The following TSHZ3 variants were observed in gnomAD, a reference collection of about 807,000 sequenced individuals.
The protein encoded by TSHZ3 is teashirt zinc finger homeobox 3.
TSHZ3 carries 10 observed loss-of-function variants against 64.5 expected under a neutral mutation model. That is an observed-to-expected ratio of 0.16 (90% CI 0.10 to 0.26). TSHZ3 has a LOEUF of 0.26. TSHZ3 is among the 10% of genes least tolerant of loss of function. TSHZ3 has a pLI of 1.00. For synonymous variants in TSHZ3, 608 were observed against 593.1 expected (o/e 1.03, Z -0.36); for missense variants, 1,242 against 1,421.7 (o/e 0.87, Z 2.03).
At position 31,278,715 on chromosome 19, in the gene TSHZ3, T is replaced by C; in HGVS notation, c.1078A>G (p.Ile360Val). ...TGGCCGTACCGATTATTTGGCGTGA[T>C]GTAAGGGTTGGAGTTCTTCTGAAGT... ...DALQKNSNPYITPNNRYGHQN... is the reference protein window; with the variant it reads ...DALQKNSNPYVTPNNRYGHQN... The change falls in exon 2 of 2, where the codon ATC becomes GTC. Residue 360 changes from isoleucine (I) to valine (V), a missense_variant. By Grantham distance (29) the Ile-to-Val change is conservative. Transcript: ENST00000240587. This position sits in a 1 kb window ranked among gnomAD's most constrained non-coding sequence, Gnocchi z 4.7. 2.5e-6 allele frequency: 4 copies of C among 1,614,112 alleles called. No homozygotes were observed. Among genetic ancestry groups the C allele is most frequent in the Non-Finnish European group, 3.4e-6 (4 of 1,180,020 alleles).
At chr19:31,214,837 G>A (rs1017779049) in intron 4 of TSHZ3, among the ~76,000 whole-genome samples, 3 of 151,348 alleles carry the variant, frequency 2.0e-5, no homozygotes, top group African/African-American at 4.9e-5. Context: ...GAACCCGGGA[G>A]GCGGAGCTTG....
chr19:31,266,984 G>A (rs542291704), intron 1 of TSHZ3, among the ~76,000 whole-genome samples: 1 of 152,164 alleles, frequency 6.6e-6, no homozygotes, highest in Non-Finnish European at 1.5e-5. Flanking sequence ...GCTCCTGGCC[G>A]GCCCACTTCA....
At position 31,193,807 on chromosome 19, in the gene TSHZ3, A is replaced by AT. The variant is rs576641435; in HGVS notation, n.809+11148dup. On this transcript the variant is annotated intron_variant and non_coding_transcript_variant, in intron 5 of 6. Transcript: ENST00000651361. ...CTGTTATCATAATGTATTTTTGTTAATTTTTTTGGCTGGAAAATTGGCAAT... is the reference window on the plus strand; with the variant it reads ...CTGTTATCATAATGTATTTTTGTTAATTTTTTTTGGCTGGAAAATTGGCAAT... 1.6e-3 allele frequency among the ~76,000 whole-genome samples: 250 copies of AT among 152,246 alleles called. 1 individual carries two copies. The highest frequency in any genetic ancestry group is 5.9e-3 in the African/African-American group (244 of 41,568).
intron 1 of TSHZ3, among the ~76,000 whole-genome samples, chr19:31,287,742 G>T (rs1976488473): frequency 1.3e-5 from 2 of 152,100 alleles, no homozygotes; most frequent in South Asian, 4.1e-4. Context: ...TTATTTTCTG[G>T]AAAGGACTCT....
chr19:31,206,847 T>C (rs1197271928), intron 4 of TSHZ3, among the ~76,000 whole-genome samples: 2 of 152,220 alleles, frequency 1.3e-5, no homozygotes, highest in Admixed American at 6.5e-5. Flanking sequence ...CACGTTTATA[T>C]TTTATTGAAT....
chr19:31,311,492 T>C lies in TSHZ3; in HGVS notation c.41-31740A>G, dbSNP rs1225794791. Among the ~76,000 whole-genome samples the C allele has an allele frequency of 2.0e-5, 3 of 152,000 alleles. No homozygotes were observed. In the East Asian group the frequency reaches 5.8e-4, roughly 30 times the overall value. On this transcript the variant is annotated intron_variant, in intron 1 of 1. Coordinates refer to ENST00000240587, the MANE Select transcript of TSHZ3 (RefSeq NM_020856.4). ...CTCCGACTGCACAGGGTTTGTTCCT[T>C]ATGGGAAGGAGACGTCTTGGTCCTA...
chr19:31,306,522 C>T (rs143355345), intron 1 of TSHZ3, among the ~76,000 whole-genome samples: 3 of 152,132 alleles, frequency 2.0e-5, no homozygotes, highest in African/African-American at 4.8e-5. Flanking sequence ...CACACGTGCA[C>T]GTGCGTGGGT....
rs916791886 is a variant in TSHZ3, at chr19:31,225,364, C to T, written n.686+2641G>A. The stretch of plus-strand genomic sequence containing the variant: ...ATATTTCCCCCAGCCTTGGCAGAGA[C>T]GCTGCAATCCATAGCTGGCTCACAT... On this transcript the variant is annotated intron_variant and non_coding_transcript_variant, in intron 4 of 6. Coordinates refer to the TSHZ3 transcript ENST00000651361. Among the ~76,000 whole-genome samples the T allele has an allele frequency of 8.5e-5, 13 of 152,280 alleles. 1 individual carries two copies. The South Asian group carries it at 1.2e-3, about 15-fold the overall frequency.
intron 4 of TSHZ3, among the ~76,000 whole-genome samples, chr19:31,225,514 C>G (rs1241491758): frequency 6.6e-6 from 1 of 152,156 alleles, no homozygotes; most frequent in Non-Finnish European, 1.5e-5. Context: ...TGGCATACAG[C>G]CTTGTCCTGC....
At chr19:31,178,539 C>A (rs985421558) in intron 5 of TSHZ3, among the ~76,000 whole-genome samples, 1 of 152,104 alleles carries the variant, frequency 6.6e-6, no homozygotes, top group East Asian at 1.9e-4. Flanking sequence ...AGTAGCCGGG[C>A]GTGGTGGCAC....
chr19:31,338,581 C>CTTTTT (rs34643581), intron 1 of TSHZ3, among the ~76,000 whole-genome samples: 1 of 119,104 alleles, frequency 8.4e-6, no homozygotes, highest in Non-Finnish European at 1.7e-5. Flanking sequence ...TTTTTTTTTT[C>CTTTTT]TTTTTTTTTT....
chr19:31,218,096 A>C (rs1975355674), intron 4 of TSHZ3, among the ~76,000 whole-genome samples: 2 of 152,242 alleles, frequency 1.3e-5, no homozygotes, highest in South Asian at 4.1e-4. Flanking sequence ...GACACTGCCA[A>C]GAGAATGAAA....
At chr19:31,253,264 G>T (rs1382380964) in intron 1 of TSHZ3, among the ~76,000 whole-genome samples, 1 of 152,136 alleles carries the variant, frequency 6.6e-6, no homozygotes, top group Non-Finnish European at 1.5e-5. Flanking sequence ...AAAATAAGCA[G>T]TTCAAGTACA....
chr19:31,335,976 G>A lies in TSHZ3; in HGVS notation c.40+13204C>T, dbSNP rs540141909. ...GGAGTCCCTAGTGCACTGATCTGGCGTTCCCTGAAAACGGTGTCCCAGCTC... is the reference window on the plus strand; with the variant it reads ...GGAGTCCCTAGTGCACTGATCTGGCATTCCCTGAAAACGGTGTCCCAGCTC... On this transcript the variant is annotated intron_variant, in intron 1 of 1. Transcript: ENST00000240587. Among the ~76,000 whole-genome samples, 43 of 152,308 alleles carry A rather than the reference G, an allele frequency of 2.8e-4. 1 individual carries two copies. Among genetic ancestry groups the A allele is most frequent in the Admixed American group, 1.1e-3 (17 of 15,302 alleles).
intron 5 of TSHZ3, among the ~76,000 whole-genome samples, chr19:31,169,952 C>G (rs769517142): frequency 2.6e-5 from 4 of 152,166 alleles, no homozygotes; most frequent in Non-Finnish European, 2.9e-5. Context: ...GTTCTGGCAT[C>G]TTGGCCACAG....
At chr19:31,169,947 G>C (rs147233775) in intron 5 of TSHZ3, among the ~76,000 whole-genome samples, 5 of 152,264 alleles carry the variant, frequency 3.3e-5, no homozygotes, top group Non-Finnish European at 7.3e-5. Flanking sequence ...TATGGGTTCT[G>C]GCATCTTGGC....
intron 4 of TSHZ3, among the ~76,000 whole-genome samples, chr19:31,209,066 G>C (rs184206794): frequency 9.2e-5 from 14 of 152,220 alleles, no homozygotes; most frequent in African/African-American, 2.6e-4. Flanking sequence ...TTTGCCAGAC[G>C]CCAGGTCCAA....
intron 6 of TSHZ3, among the ~76,000 whole-genome samples, chr19:31,154,704 T>G (rs1294809065): frequency 6.6e-6 from 1 of 152,206 alleles, no homozygotes; most frequent in African/African-American, 2.4e-5. Context: ...GCAAATGGCT[T>G]GAACTTCCCG....
Position 31,241,227 on chromosome 19 carries a change from T to C in TSHZ3, n.550+1042A>G, listed in dbSNP as rs967666731. On this transcript the variant is annotated intron_variant and non_coding_transcript_variant, in intron 3 of 6. Coordinates refer to the TSHZ3 transcript ENST00000651361. ...GCTTGGTTTTATGTTTTTTAAATAA[T>C]AAATGGAAAGTCCAAGGTATTTCCC... is the stretch of plus-strand genomic sequence containing the variant. Among the ~76,000 whole-genome samples, 5 of 152,190 alleles carry C rather than the reference T, an allele frequency of 3.3e-5. No homozygotes were observed. In the East Asian group the frequency reaches 5.8e-4, roughly 18 times the overall value.
Sources: gnomAD v4.1 joint callset for allele counts (sites outside exome capture counted in the v4.1 genomes callset) on GRCh38, gnomAD v4.1.1 for gene constraint, Gnocchi (gnomAD v3.1) non-coding constraint, MANE v1.5 for transcripts, NCBI Gene and HGNC (gene_info 2026-07-23, HGNC 2026-07-21) for gene names.